FOXP1: variants seen among roughly 807,000 people sequenced by gnomAD.
The protein encoded by FOXP1 is forkhead box P1.
Under a neutral mutation model 98.2 loss-of-function variants are expected in FOXP1, and 15 were observed. That is an observed-to-expected ratio of 0.15 (90% CI 0.10 to 0.24). The LOEUF is 0.24. Ranked by LOEUF, FOXP1 falls within the 10% of genes least tolerant of loss-of-function variation. The probability of loss-of-function intolerance (pLI) is 1.00; values close to 1 mark genes in which losing one functional copy is unlikely to be tolerated. For missense variants in FOXP1, 633 were observed against 848.5 expected (o/e 0.75, Z 3.15); for synonymous variants, 371 against 314.5 (o/e 1.18, Z -1.90).
chr3:71,352,438 T>C (rs1323802947), intron 4 of FOXP1, among the ~76,000 whole-genome samples: 1 of 133,042 alleles, frequency 7.5e-6, no homozygotes, highest in East Asian at 2.3e-4. Flanking sequence ...GCACTCCAAC[T>C]TCAGCCTGGG....
At chr3:71,057,865 T>C (rs1431913577) in intron 7 of FOXP1, among the ~76,000 whole-genome samples, 1 of 152,154 alleles carries the variant, frequency 6.6e-6, no homozygotes, top group Admixed American at 6.5e-5. Context: ...AGTATGGGCC[T>C]GCTGCTACCT....
At chr3:71,161,715 C>G (rs894476322) in intron 6 of FOXP1, among the ~76,000 whole-genome samples, 2 of 152,202 alleles carry the variant, frequency 1.3e-5, no homozygotes, top group African/African-American at 4.8e-5. Flanking sequence ...ATGATGCCAT[C>G]AGAGTTGTGC....
intron 2 of FOXP1, among the ~76,000 whole-genome samples, chr3:71,566,042 G>A (rs2046888687): frequency 6.6e-6 from 1 of 152,190 alleles, no homozygotes; most frequent in African/African-American, 2.4e-5. Flanking sequence ...ACTCTATTGT[G>A]TATAATCTCC....
chr3:71,569,688 C>T (rs914609228), intron 2 of FOXP1, among the ~76,000 whole-genome samples: 6 of 151,926 alleles, frequency 3.9e-5, no homozygotes, highest in African/African-American at 1.2e-4. Context: ...TATGTGCCAA[C>T]GTAGGTATCT....
intron 6 of FOXP1, among the ~76,000 whole-genome samples, chr3:71,158,562 T>C (rs1371099453): frequency 6.6e-6 from 1 of 152,126 alleles, no homozygotes; most frequent in East Asian, 1.9e-4. Flanking sequence ...GTCTGCTGAA[T>C]GCTCTGCTCT....
chr3:71,054,735 AC>A lies in FOXP1; in HGVS notation c.283-963del, dbSNP rs1206827234. ...CAAGAAGACTATTTCATGAAAAATCACCCCCCGCCCCAAATAAAAAGATAAG... is the reference window on the plus strand; with the variant it reads ...CAAGAAGACTATTTCATGAAAAATCACCCCCGCCCCAAATAAAAAGATAAG... On this transcript the variant is annotated intron_variant, in intron 7 of 20. Coordinates refer to ENST00000649528, the MANE Select transcript of FOXP1 (RefSeq NM_001349338.3). 7.9e-5 allele frequency among the ~76,000 whole-genome samples: 12 copies of A among 151,948 alleles called. No homozygotes were observed. In the East Asian group the frequency reaches 1.7e-3, roughly 22 times the overall value.
chr3:71,400,470 G>A (rs1211820714), intron 3 of FOXP1, among the ~76,000 whole-genome samples: 2 of 152,032 alleles, frequency 1.3e-5, no homozygotes, highest in African/African-American at 4.8e-5. Flanking sequence ...CGATTCTCGT[G>A]CCTCAGCCTC....
At chr3:71,410,285 A>G (rs1281371839) in intron 3 of FOXP1, among the ~76,000 whole-genome samples, 1 of 152,248 alleles carries the variant, frequency 6.6e-6, no homozygotes, top group East Asian at 1.9e-4. Context: ...ACACAGAATC[A>G]GAGATCTTTT....
At chr3:71,279,984 G>A (rs1054286156) in intron 5 of FOXP1, among the ~76,000 whole-genome samples, 12 of 151,944 alleles carry the variant, frequency 7.9e-5, no homozygotes, top group Admixed American at 4.6e-4. Flanking sequence ...TTAGCCGGGC[G>A]TGGTGATGGG....
At chr3:71,376,949 A>T (rs1313139646) in intron 3 of FOXP1, among the ~76,000 whole-genome samples, 1 of 152,142 alleles carries the variant, frequency 6.6e-6, no homozygotes, top group Admixed American at 6.6e-5. Flanking sequence ...ACCTACAGAA[A>T]CTCAAAAGTG....
At chr3:71,348,236 T>C (rs1431761887) in intron 4 of FOXP1, among the ~76,000 whole-genome samples, 1 of 146,844 alleles carries the variant, frequency 6.8e-6, no homozygotes, top group Non-Finnish European at 1.5e-5. Flanking sequence ...TACTGTATTT[T>C]CTCTCTTTGA....
At chr3:71,257,998 C>A (rs2068779047) in intron 5 of FOXP1, among the ~76,000 whole-genome samples, 1 of 152,188 alleles carries the variant, frequency 6.6e-6, no homozygotes, top group South Asian at 2.1e-4. Context: ...ACAGTAGGCC[C>A]TCAACAAAAT....
intron 20 of FOXP1, among the ~76,000 whole-genome samples, chr3:70,965,584 T>C (rs192660364): frequency 1.1e-3 from 170 of 152,212 alleles, no homozygotes; most frequent in African/African-American, 3.8e-3. Flanking sequence ...GAATGCATAT[T>C]AGTTTGAGGA....
At chr3:71,222,957 A>G (rs1014549387) in intron 5 of FOXP1, among the ~76,000 whole-genome samples, 2 of 152,166 alleles carry the variant, frequency 1.3e-5, no homozygotes, top group Non-Finnish European at 2.9e-5. Context: ...TTTCATCAGG[A>G]CCTGGCAATT....
intron 4 of FOXP1, among the ~76,000 whole-genome samples, chr3:71,323,174 T>C (rs1292947399): frequency 6.6e-6 from 1 of 152,124 alleles, no homozygotes; most frequent in Non-Finnish European, 1.5e-5. Context: ...TTTCATCATG[T>C]TGGTCAGGCT....
Position 70,977,664 on chromosome 3 carries a change from T to A in FOXP1, c.1407A>T (p.Thr469=). 6.2e-7 allele frequency: 1 copy of A among 1,613,896 alleles called. No individual in the cohort carries two copies. Among genetic ancestry groups the A allele is most frequent in the Middle Eastern group, 1.7e-4 (1 of 6,044 alleles). ...YKNAEVRPPF[T]YASLIRQAIL... is the part of the protein sequence containing the mutation. Reference sequence around the variant, plus strand: ...TTACCTGCCTAATTAAAGATGCATATGTAAATGGTGGTCTAACTTCTGCGT... The same window carrying A: ...TTACCTGCCTAATTAAAGATGCATAAGTAAATGGTGGTCTAACTTCTGCGT... Residue 469 remains threonine, a synonymous_variant, in exon 16 of 21, where the codon ACA becomes ACT. Coordinates refer to ENST00000649528, the MANE Select transcript of FOXP1 (RefSeq NM_001349338.3).
At chr3:71,484,423 CA>C (rs1249956772) in intron 3 of FOXP1, among the ~76,000 whole-genome samples, 53 of 152,280 alleles carry the variant, frequency 3.5e-4, no homozygotes, top group African/African-American at 1.3e-3. Context: ...TTTCACCCAC[CA>C]AATAGTGCCA....
chr3:71,004,262 A>C (rs1370811561), intron 12 of FOXP1, among the ~76,000 whole-genome samples: 3 of 152,008 alleles, frequency 2.0e-5, no homozygotes, highest in Non-Finnish European at 4.4e-5. Flanking sequence ...AGCTCTGGGA[A>C]AAAAAAATAT....
chr3:71,025,464 C>G (rs909742065), intron 11 of FOXP1, among the ~76,000 whole-genome samples: 1 of 152,134 alleles, frequency 6.6e-6, no homozygotes, highest in Admixed American at 6.6e-5. Context: ...CTTAAAGAAA[C>G]AGTCACAAGG....
Sources: gnomAD v4.1 joint callset for allele counts (sites outside exome capture counted in the v4.1 genomes callset) on GRCh38, gnomAD v4.1.1 for gene constraint, MANE v1.5 for transcripts, NCBI Gene and HGNC (gene_info 2026-07-23, HGNC 2026-07-21) for gene names.